Variants in TRPM1 observed in about 807,000 individuals in gnomAD.
TRPM1 encodes transient receptor potential cation channel subfamily M member 1, also known as TRPM1-203 APA Isoform, Intron 10.
In TRPM1, 113 loss-of-function variants were observed where a neutral mutation model predicts 149.4. That is an observed-to-expected ratio of 0.76 (90% CI 0.65 to 0.88). The LOEUF (loss-of-function observed/expected upper bound fraction) is 0.88, where lower values mean the gene tolerates loss of function less well. Ranked by LOEUF, TRPM1 falls within the 40% of genes least tolerant of loss-of-function variation. TRPM1 has a pLI of 0.00. For missense variants in TRPM1, 1,976 were observed against 2,038.7 expected, an observed-to-expected ratio of 0.97 and a Z score of 0.59; for synonymous variants, 741 against 759.5, an observed-to-expected ratio of 0.98 and a Z score of 0.40.
intron 1 of TRPM1, among the ~76,000 whole-genome samples, chr15:31,144,240 C>A (rs1049791475): frequency 2.0e-5 from 3 of 152,110 alleles, no homozygotes; most frequent in Non-Finnish European, 2.9e-5. Flanking sequence ...AGTTCAAGAC[C>A]AGCCTGGGCA....
chr15:31,019,698 G>A (rs1444832764), intron 27 of TRPM1, among the ~76,000 whole-genome samples: 1 of 151,396 alleles, frequency 6.6e-6, no homozygotes, highest in East Asian at 1.9e-4. Flanking sequence ...CACCATGCCT[G>A]GCTAATTTTT....
At chr15:31,088,896 T>C (rs1356958902) in intron 1 of TRPM1, among the ~76,000 whole-genome samples, 1 of 151,776 alleles carries the variant, frequency 6.6e-6, no homozygotes, top group Non-Finnish European at 1.5e-5. Flanking sequence ...GGGAGATCAG[T>C]GTTTGCCTAC....
chr15:31,076,450 G>A (rs899644039), intron 3 of TRPM1, among the ~76,000 whole-genome samples: 2 of 152,184 alleles, frequency 1.3e-5, no homozygotes, highest in African/African-American at 4.8e-5. Flanking sequence ...GCATTTTAAT[G>A]TAGGTGAATA....
chr15:31,038,144 G>T lies in TRPM1; in HGVS notation c.2339C>A (p.Pro780His), dbSNP rs1290004355. 2 of 1,613,922 alleles carry T rather than the reference G, an allele frequency of 1.2e-6. No homozygotes were observed. The highest frequency in any genetic ancestry group is 1.7e-5 in the Admixed American group (1 of 60,000). The stretch of plus-strand genomic sequence containing the variant: ...AAATTCCAAAAACAAGATGGTGGGG[G>T]GTAGAAGAATCCCCATGATAACCTA... ...GLKVIMGILL[P>H]PTILFLEFRT... Residue 780 changes from proline (P) to histidine (H), a missense_variant, in exon 19 of 28, where the codon CCC becomes CAC. Transcript: ENST00000256552.
chr15:31,080,831 A>G (rs1219457430), intron 2 of TRPM1, among the ~76,000 whole-genome samples: 1 of 150,674 alleles, frequency 6.6e-6, no homozygotes, highest in Non-Finnish European at 1.5e-5. Flanking sequence ...GGCGCTGTCC[A>G]GGAAACCTGT....
chr15:31,078,099 T>C (rs1391415839), intron 2 of TRPM1, among the ~76,000 whole-genome samples: 1 of 152,010 alleles, frequency 6.6e-6, no homozygotes, highest in Non-Finnish European at 1.5e-5. Context: ...GAGCCTTGTG[T>C]CCTTGGCCAC....
At chr15:31,086,441 C>G (rs910307550) in intron 1 of TRPM1, among the ~76,000 whole-genome samples, 5 of 152,266 alleles carry the variant, frequency 3.3e-5, no homozygotes, top group African/African-American at 1.2e-4. Context: ...GTGTGCAGCC[C>G]CCTGCCCCAT....
At chr15:31,137,054 C>A (rs568815153) in intron 1 of TRPM1, among the ~76,000 whole-genome samples, 2 of 152,120 alleles carry the variant, frequency 1.3e-5, no homozygotes, top group Non-Finnish European at 2.9e-5. Flanking sequence ...CTCTCTTTTG[C>A]ATTAGTGCTC....
In TRPM1 at chr15:31,032,953, C is replaced by T. The variant is rs370006845; in HGVS notation, c.2701-13G>A. On this transcript the variant is annotated splice_polypyrimidine_tract_variant and intron_variant, in intron 21 of 27. Coordinates refer to ENST00000256552, the MANE Select transcript of TRPM1 (RefSeq NM_001252024.2). ...CTGACATGAGGATCTGAAAACAAAC[C>T]CCAAAGAACAATAAACTGAGATGCC... The T allele has an allele frequency of 1.2e-6, 2 of 1,613,978 alleles. No individual in the cohort carries two copies. Among genetic ancestry groups the T allele is most frequent in the South Asian group, 2.2e-5 (2 of 91,076 alleles).
intron 1 of TRPM1, among the ~76,000 whole-genome samples, chr15:31,089,486 C>G (rs891646015): frequency 6.6e-6 from 1 of 152,232 alleles, no homozygotes; most frequent in African/African-American, 2.4e-5. Context: ...GCCCACAACA[C>G]TGCTGGAGAA....
Position 31,101,716 on chromosome 15 carries a change from CA to C in TRPM1, c.-144del. The C allele has an allele frequency of 1.0e-6, 1 of 985,924 alleles. No homozygotes were observed. The highest frequency in any genetic ancestry group is 4.7e-5 in the South Asian group (1 of 21,294). 61.1% of individuals were successfully genotyped at this position (985,924 alleles called of 1,614,324 possible). A position where few individuals can be genotyped will look rare whatever the true frequency, so the allele number is the denominator to read the frequency against. On this transcript the variant is annotated 5_prime_UTR_variant, in exon 1 of 28. Coordinates refer to ENST00000256552, the MANE Select transcript of TRPM1 (RefSeq NM_001252024.2). ...AGGCTCTTTCAGCCTCCTCCTTGGC[CA>C]GGGCAGGGAGCTGGGTGAGGAGGGC...
intron 18 of TRPM1, among the ~76,000 whole-genome samples, chr15:31,039,420 C>G (rs1318460642): frequency 2.0e-5 from 3 of 152,196 alleles, no homozygotes; most frequent in Admixed American, 2.0e-4. Context: ...AAAGTGCCCT[C>G]TATTTGCCAG....
intron 18 of TRPM1, 34 bp from the exon 19 acceptor site, chr15:31,038,200 C>A: frequency 6.2e-7 from 1 of 1,611,920 alleles, no homozygotes; most frequent in Non-Finnish European, 8.5e-7. Context: ...TAAGCTGTGG[C>A]AATTCTAGAA....
intron 16 of TRPM1, 69 bp downstream of exon 16, chr15:31,046,135 C>T (rs2033754416): frequency 1.3e-6 from 2 of 1,513,264 alleles, no homozygotes; most frequent in Middle Eastern, 1.7e-4. Flanking sequence ...TTCGCAAATA[C>T]AGAACTTAAA....
intron 1 of TRPM1, among the ~76,000 whole-genome samples, chr15:31,115,114 C>G (rs1449391148): frequency 6.6e-6 from 1 of 152,006 alleles, no homozygotes; most frequent in South Asian, 2.1e-4. Flanking sequence ...AAACATTAGT[C>G]GAGCATGGTG....
rs942909921 is a variant in TRPM1 at position 31,081,391 on chromosome 15, A to C, written c.-36T>G. Reference sequence around the variant, plus strand: ...AAAGTTGATATAAGGAAATAGCCTCAGTCCAGCACTGCAAGTTACTGCTGA... The same window carrying C: ...AAAGTTGATATAAGGAAATAGCCTCCGTCCAGCACTGCAAGTTACTGCTGA... On this transcript the variant is annotated 5_prime_UTR_variant, in exon 2 of 28. Coordinates refer to ENST00000256552, the MANE Select transcript of TRPM1 (RefSeq NM_001252024.2). 6.5e-7 allele frequency: 1 copy of C among 1,535,124 alleles called. No individual in the cohort carries two copies.
intron 15 of TRPM1, 23 bp downstream of exon 15, chr15:31,047,088 A>G: frequency 1.9e-6 from 3 of 1,613,164 alleles, no homozygotes; most frequent in Non-Finnish European, 1.7e-6. Context: ...ACCACAGAAC[A>G]CTACACAGGC....
In TRPM1 at chr15:31,066,216, G is replaced by A. The variant is rs1295045032; in HGVS notation, c.650C>T (p.Pro217Leu). Reference sequence around the variant, plus strand: ...GTTGAGCACAGAGAGCTTACTTAGAGGGTTGGACATGGTCTGGTACACTCT... The same window carrying A: ...GTTGAGCACAGAGAGCTTACTTAGAAGGTTGGACATGGTCTGGTACACTCT... ...VTRVYQTMSN[P>L]LSKLSVLNNS... is the part of the protein sequence containing the mutation. The change falls in exon 7 of 28, where the codon CCT becomes CTT. Residue 217 changes from proline (P) to leucine (L), a missense_variant. Around this residue, in one of 3 missense-constraint regions of TRPM1, gnomAD observed 1,332 missense variants for 1,347.1 expected, o/e 0.99. Coordinates refer to ENST00000256552, the MANE Select transcript of TRPM1 (RefSeq NM_001252024.2). The A allele has an allele frequency of 6.2e-7, 1 of 1,614,158 alleles. No homozygotes were observed. Among genetic ancestry groups the A allele is most frequent in the Admixed American group, 1.7e-5 (1 of 60,022 alleles).
chr15:31,032,912 C>T lies in TRPM1; in HGVS notation c.2729G>A (p.Ser910Asn). The T allele has an allele frequency of 6.2e-7, 1 of 1,614,180 alleles. No individual in the cohort carries two copies. Among genetic ancestry groups the T allele is most frequent in the Non-Finnish European group, 8.5e-7 (1 of 1,180,034 alleles). ...EILMSEPGKLSQKIKVWLQEY... is the reference protein window; with the variant it reads ...EILMSEPGKLNQKIKVWLQEY... ...CTGAAGCCAAACTTTGATTTTCTGG[C>T]TGAGTTTGCCTGGTTCTGACATGAG... The change falls in exon 22 of 28, where the codon AGC (serine) becomes AAC (asparagine). Residue 910 changes from serine (S) to asparagine (N), a missense_variant. Physicochemically the swap from Ser to Asn is conservative, Grantham distance 46 (BLOSUM62 1). Transcript: ENST00000256552.
Sources: gnomAD v4.1 joint callset for allele counts (sites outside exome capture counted in the v4.1 genomes callset) on GRCh38, gnomAD v4.1.1 for gene constraint, gnomAD v4.1.1 regional missense constraint, MANE v1.5 for transcripts, NCBI Gene and HGNC (gene_info 2026-07-23, HGNC 2026-07-21) for gene names.